The following SFRP1 variants were observed in gnomAD, a reference collection of about 807,000 sequenced individuals.
SFRP1 encodes secreted frizzled-related protein 1.
A neutral mutation model predicts 25.9 loss-of-function variants in SFRP1; 9 were observed. The observed-to-expected ratio is 0.35, with a 90% CI of 0.21 to 0.61. The LOEUF (loss-of-function observed/expected upper bound fraction) is 0.61, where lower values mean the gene tolerates loss of function less well. Ranked by LOEUF, SFRP1 falls within the 20% of genes least tolerant of loss-of-function variation. The pLI is 0.78. For synonymous variants in SFRP1, 178 were observed against 174.0 expected (o/e 1.02, Z -0.18); for missense variants, 346 against 418.2 (o/e 0.83, Z 1.51).
intron 2 of SFRP1, among the ~76,000 whole-genome samples, chr8:41,269,331 G>A (rs1218564067): frequency 6.6e-6 from 1 of 152,036 alleles, no homozygotes; most frequent in Non-Finnish European, 1.5e-5. Context: ...TCCCACCTAG[G>A]CATAGCTGCC....
rs370226298 is a variant in SFRP1, at chr8:41,295,370, G to GAA, written c.622+8089_622+8090dup. On this transcript the variant is annotated intron_variant, in intron 2 of 2. Transcript: ENST00000220772. ...AGGGAGACTCCGTCTCAAAAAAAAA[G>GAA]AAAAAAAAATTAGCCGAGCATGGTG... is the stretch of plus-strand genomic sequence containing the variant. Among the ~76,000 whole-genome samples, 235 of 149,700 alleles carry GAA rather than the reference G, an allele frequency of 1.6e-3. 1 individual carries two copies. Among genetic ancestry groups the GAA allele is most frequent in the African/African-American group, 5.4e-3 (222 of 40,750 alleles).
At chr8:41,298,177 C>A (rs1005869955) in intron 2 of SFRP1, 4 of 152,158 alleles carry the variant, frequency 2.6e-5, no homozygotes, top group African/African-American at 9.7e-5. Context: ...TTCAGTAGCA[C>A]ACATGGTAAA....
chr8:41,290,402 G>A (rs1803761004), intron 2 of SFRP1, among the ~76,000 whole-genome samples: 1 of 152,232 alleles, frequency 6.6e-6, no homozygotes, highest in Non-Finnish European at 1.5e-5. Context: ...ATGCTTTGGG[G>A]CTGGCTCCGG....
intron 2 of SFRP1, among the ~76,000 whole-genome samples, chr8:41,285,673 C>T (rs1044419261): frequency 1.3e-5 from 2 of 152,190 alleles, no homozygotes; most frequent in Admixed American, 1.3e-4. Context: ...TGGCCCAGCC[C>T]CCCAACCCTT....
At position 41,263,436 on chromosome 8, in the gene SFRP1, G is replaced by C. The variant is rs1027587817; in HGVS notation, c.*1731C>G. 23 of 152,266 alleles carry C rather than the reference G, an allele frequency of 1.5e-4. No homozygotes were observed. The highest frequency in any genetic ancestry group is 5.3e-4 in the African/African-American group (22 of 41,544). 9.4% of individuals were successfully genotyped at this position (152,266 alleles called of 1,614,324 possible). Reference sequence around the variant, plus strand: ...ATAACTCTCCGGTAGGTAACTAGGCGGGCATGCTGATTTTCATACTGGAGT... The same window carrying C: ...ATAACTCTCCGGTAGGTAACTAGGCCGGCATGCTGATTTTCATACTGGAGT... On this transcript the variant is annotated 3_prime_UTR_variant, in exon 3 of 3. Coordinates refer to ENST00000220772, the MANE Select transcript of SFRP1 (RefSeq NM_003012.5).
chr8:41,302,345 C>T (rs556253641), intron 2 of SFRP1, among the ~76,000 whole-genome samples: 35 of 152,320 alleles, frequency 2.3e-4, no homozygotes, highest in South Asian at 2.1e-3. Flanking sequence ...TGATTCCCTC[C>T]GACTTGCATG....
At chr8:41,301,253 A>T (rs1015216227) in intron 2 of SFRP1, among the ~76,000 whole-genome samples, 1 of 152,218 alleles carries the variant, frequency 6.6e-6, no homozygotes, top group Non-Finnish European at 1.5e-5. Context: ...GAGGGAGTCA[A>T]GCATTCTCTT....
At chr8:41,303,604 GA>G in intron 1 of SFRP1, 66 bp from the exon 2 acceptor site, 1 of 1,305,642 alleles carries the variant, frequency 7.7e-7, no homozygotes, top group South Asian at 1.2e-5. Context: ...AGCCCCTGGG[GA>G]AAAGATCGGC....
intron 2 of SFRP1, among the ~76,000 whole-genome samples, chr8:41,286,021 G>C (rs546019923): frequency 2.0e-5 from 3 of 151,784 alleles, no homozygotes; most frequent in Non-Finnish European, 4.4e-5. Flanking sequence ...GGAACTGGGC[G>C]GGGGGAGGGG....
chr8:41,289,034 A>G (rs1803743659), intron 2 of SFRP1, among the ~76,000 whole-genome samples: 2 of 152,272 alleles, frequency 1.3e-5, no homozygotes, highest in Admixed American at 6.5e-5. Context: ...ACGCCCTCCA[A>G]TGCACCCCCA....
chr8:41,306,918 A>AATC (rs1804005850), intron 1 of SFRP1: 1 of 1,571,012 alleles, frequency 6.4e-7, no homozygotes, highest in East Asian at 2.3e-5. Context: ...CAACCCGTCC[A>AATC]ATCCCCCCAT....
Position 41,262,792 on chromosome 8 carries a change from G to C in SFRP1, c.*2375C>G, listed in dbSNP as rs911777544. ...CAAAGGCTCGTGATAGTGCAGCTCT[G>C]TGCCTACAGAGAGCCTCCCTTTTGG... On this transcript the variant is annotated 3_prime_UTR_variant, in exon 3 of 3. Coordinates refer to ENST00000220772, the MANE Select transcript of SFRP1 (RefSeq NM_003012.5). 2 of 152,214 alleles carry C rather than the reference G, an allele frequency of 1.3e-5. No individual in the cohort carries two copies. The highest frequency in any genetic ancestry group is 4.8e-5 in the African/African-American group (2 of 41,448). The allele number at this position is 152,214 out of a possible 1,614,324, so 9.4% of individuals were successfully genotyped here.
At chr8:41,293,159 A>G (rs1803798965) in intron 2 of SFRP1, among the ~76,000 whole-genome samples, 1 of 152,228 alleles carries the variant, frequency 6.6e-6, no homozygotes. Flanking sequence ...TGGGTGTCAT[A>G]TCTGACTCAG....
intron 1 of SFRP1, 132 bp from the exon 2 acceptor site, chr8:41,303,670 TG>T (rs1193468615): frequency 3.0e-6 from 2 of 673,818 alleles, no homozygotes; most frequent in Non-Finnish European, 5.3e-6. Context: ...GAAGGGGACC[TG>T]AGAATTGAAA....
chr8:41,307,312 C>T (rs1188588449), intron 1 of SFRP1, among the ~76,000 whole-genome samples: 1 of 152,216 alleles, frequency 6.6e-6, no homozygotes, highest in Admixed American at 6.5e-5. Context: ...TCCCATCCAG[C>T]CATCCAACGA....
At chr8:41,269,820 T>A (rs751739198) in intron 2 of SFRP1, among the ~76,000 whole-genome samples, 2 of 152,180 alleles carry the variant, frequency 1.3e-5, no homozygotes, top group African/African-American at 4.8e-5. Flanking sequence ...ATCAATCTTA[T>A]AACTCCTCTG....
At chr8:41,278,771 T>C (rs920954177) in intron 2 of SFRP1, among the ~76,000 whole-genome samples, 6 of 152,180 alleles carry the variant, frequency 3.9e-5, no homozygotes, top group African/African-American at 2.4e-5. Flanking sequence ...AATCAGCAGA[T>C]CTTCATGCCA....
chr8:41,265,425 C>T lies in SFRP1; in HGVS notation c.687G>A (p.Lys229=). ...TGGGCCCCAACTTCAGGGGCTTCTT[C>T]TTCTTGGGGACAATCTTCTTGTCGC... is the stretch of plus-strand genomic sequence containing the variant. The part of the protein sequence containing the change: ...ENGDKKIVPK[K]KKPLKLGPIK... Residue 229 remains lysine, a synonymous_variant, in exon 3 of 3, where the codon AAG becomes AAA. Transcript: ENST00000220772. The T allele has an allele frequency of 2.5e-6, 4 of 1,612,428 alleles. No homozygotes were observed. In the South Asian group the frequency reaches 3.3e-5, roughly 13 times the overall value.
At position 41,309,286 on chromosome 8, in the gene SFRP1, G is replaced by A; in HGVS notation, c.-127C>T. The stretch of plus-strand genomic sequence containing the variant: ...GCAGTCCCCAGCGTTGCCCGGCTCC[G>A]CGGCCGCAAGCTGCTGCCCGGTCCC... On this transcript the variant is annotated 5_prime_UTR_variant, in exon 1 of 3. Transcript: ENST00000220772. 9.1e-7 allele frequency: 1 copy of A among 1,098,056 alleles called. No homozygotes were observed. The highest frequency in any genetic ancestry group is 1.1e-6 in the Non-Finnish European group (1 of 875,120). 68.0% of individuals were successfully genotyped at this position (1,098,056 alleles called of 1,614,324 possible).
Sources: allele counts gnomAD v4.1 joint callset (sites outside exome capture counted in the v4.1 genomes callset), GRCh38; gene constraint gnomAD v4.1.1; transcripts MANE v1.5; gene names NCBI Gene and HGNC (gene_info 2026-07-23, HGNC 2026-07-21).